COL11A1: variants seen among roughly 807,000 people sequenced by gnomAD.
COL11A1 encodes the protein collagen type XI alpha 1 chain, also known as collagen alpha-1(XI) chain.
Under a neutral mutation model 265.2 loss-of-function variants are expected in COL11A1, and 74 were observed. That is an observed-to-expected ratio of 0.28 (90% CI 0.23 to 0.34). COL11A1 has a LOEUF of 0.34. Among genes scored for constraint, COL11A1 ranks in the 10% least tolerant of loss-of-function variants. The pLI, the probability that COL11A1 is intolerant of heterozygous loss-of-function variation, is 1.00. For missense variants in COL11A1, 2,165 were observed against 2,263.6 expected, an observed-to-expected ratio of 0.96 and a Z score of 0.88; for synonymous variants, 816 against 727.6, an observed-to-expected ratio of 1.12 and a Z score of -1.96.
Position 103,023,189 on chromosome 1 carries a change from G to C in COL11A1, c.991-193C>G, listed in dbSNP as rs549855974. ...ATATTTGTACATTGCTATGTACAAAGAGATATTGCTTTCAAAGCACTTTCT... is the reference window on the plus strand; with the variant it reads ...ATATTTGTACATTGCTATGTACAAACAGATATTGCTTTCAAAGCACTTTCT... On this transcript the variant is annotated intron_variant, in intron 7 of 66. Coordinates refer to ENST00000370096, the MANE Select transcript of COL11A1 (RefSeq NM_001854.4). Among the ~76,000 whole-genome samples the C allele has an allele frequency of 1.4e-4, 21 of 152,238 alleles. 1 individual carries two copies. The highest frequency in any genetic ancestry group is 4.8e-4 in the African/African-American group (20 of 41,554).
chr1:102,947,251 T>C (rs1345528282), intron 41 of COL11A1, among the ~76,000 whole-genome samples: 1 of 152,158 alleles, frequency 6.6e-6, no homozygotes, highest in Non-Finnish European at 1.5e-5. Flanking sequence ...CATTTAAGTG[T>C]TCATAATTGT....
At chr1:102,979,227 A>T (rs1662802179) in intron 32 of COL11A1, 123 bp from the exon 33 acceptor site, 1 of 1,262,874 alleles carries the variant, frequency 7.9e-7, no homozygotes, top group Admixed American at 1.8e-5. Flanking sequence ...TCATTTAGAG[A>T]CAGACTTGCT....
chr1:102,962,107 T>C (rs1185099843), intron 40 of COL11A1, 69 bp downstream of exon 40: 9 of 1,315,144 alleles, frequency 6.8e-6, no homozygotes, highest in Non-Finnish European at 9.9e-6. Context: ...ACTTCTTAAG[T>C]TCTGAGAAAA....
chr1:103,022,978 T>C lies in COL11A1; in HGVS notation c.1009A>G (p.Ile337Val), dbSNP rs746403396. ...CCCGTTAGATATTCTTCAGTAAATA[T>C]TTCTTCAACTGGATTTGGCTATTAA... ...GTNEPNPVEE[I>V]FTEEYLTGED... Residue 337 changes from isoleucine to valine, a missense_variant, in exon 8 of 67, where the codon ATA (isoleucine) becomes GTA (valine). Physicochemically the swap from Ile to Val is conservative, Grantham distance 29 (BLOSUM62 3). Transcript: ENST00000370096. The C allele has an allele frequency of 1.4e-5, 23 of 1,612,834 alleles. No homozygotes were observed. The highest frequency in any genetic ancestry group is 1.9e-5 in the Non-Finnish European group (23 of 1,179,518).
At chr1:103,103,457 T>C (rs1674445930) in intron 1 of COL11A1, among the ~76,000 whole-genome samples, 1 of 152,006 alleles carries the variant, frequency 6.6e-6, no homozygotes, top group Non-Finnish European at 1.5e-5. Flanking sequence ...TACTTTGATG[T>C]AATCTTATAA....
chr1:102,955,382 A>T (rs982787047), intron 41 of COL11A1, among the ~76,000 whole-genome samples: 3 of 152,206 alleles, frequency 2.0e-5, no homozygotes, highest in African/African-American at 7.2e-5. Flanking sequence ...ATGGTCACAT[A>T]ATAGGAGTCA....
intron 31 of COL11A1, among the ~76,000 whole-genome samples, chr1:102,981,594 A>G (rs547341248): frequency 6.6e-6 from 1 of 152,174 alleles, no homozygotes; most frequent in African/African-American, 2.4e-5. Context: ...AGTTGAATAT[A>G]TGGAAATGTT....
intron 4 of COL11A1, among the ~76,000 whole-genome samples, chr1:103,047,730 G>T (rs1471132170): frequency 6.8e-6 from 1 of 146,372 alleles, no homozygotes; most frequent in Non-Finnish European, 1.5e-5. Context: ...GTATGATATT[G>T]GCTGTGGTTT....
chr1:102,994,260 C>T lies in COL11A1; in HGVS notation c.2340+1604G>A, dbSNP rs914182836. On this transcript the variant is annotated intron_variant, in intron 28 of 66. Transcript: ENST00000370096. ...TACCCACCCAAATCTCATGTTGAAACGTAATCCCCAATGTTGAAAGTGGGA... is the reference window on the plus strand; with the variant it reads ...TACCCACCCAAATCTCATGTTGAAATGTAATCCCCAATGTTGAAAGTGGGA... Among the ~76,000 whole-genome samples the T allele has an allele frequency of 2.6e-5, 4 of 152,146 alleles. No individual in the cohort carries two copies. The South Asian group carries it at 6.2e-4, about 24-fold the overall frequency.
At chr1:102,895,847 C>A (rs996913873) in intron 57 of COL11A1, among the ~76,000 whole-genome samples, 1 of 150,672 alleles carries the variant, frequency 6.6e-6, no homozygotes, top group South Asian at 2.1e-4. Flanking sequence ...AACACTCTAA[C>A]TTTTCTAAGT....
At chr1:102,878,614 C>T (rs560608620) in intron 66 of COL11A1, among the ~76,000 whole-genome samples, 2 of 149,790 alleles carry the variant, frequency 1.3e-5, no homozygotes, top group African/African-American at 4.9e-5. Context: ...GGTTTCAAGC[C>T]ATTCTCCTGC....
rs1411336516 is a variant in COL11A1 at position 102,997,129 on chromosome 1, A to G, written c.2197-5T>C. ...GCCTTCTTTCCCAGGATGACCCTAT[A>G]TTTAGCAAAAACATACACTGATAAG... On this transcript the variant is annotated splice_polypyrimidine_tract_variant and splice_region_variant and intron_variant, in intron 25 of 66. Coordinates refer to ENST00000370096, the MANE Select transcript of COL11A1 (RefSeq NM_001854.4). 2.5e-6 allele frequency: 4 copies of G among 1,610,430 alleles called. No homozygotes were observed. Among genetic ancestry groups the G allele is most frequent in the Admixed American group, 3.3e-5 (2 of 59,924 alleles).
At chr1:103,075,824 G>A (rs909793736) in intron 3 of COL11A1, among the ~76,000 whole-genome samples, 1 of 152,092 alleles carries the variant, frequency 6.6e-6, no homozygotes, top group African/African-American at 2.4e-5. Flanking sequence ...GTGACCAAGT[G>A]TATTTCCATA....
chr1:102,932,340 C>T (rs1657570493), intron 46 of COL11A1, among the ~76,000 whole-genome samples: 1 of 152,086 alleles, frequency 6.6e-6, no homozygotes, highest in African/African-American at 2.4e-5. Flanking sequence ...TTTATTTCTC[C>T]TTCACTTATG....
intron 25 of COL11A1, 130 bp from the exon 26 acceptor site, chr1:102,997,254 T>C: frequency 1.1e-6 from 1 of 872,036 alleles, no homozygotes; most frequent in Non-Finnish European, 1.9e-6. Flanking sequence ...TTGAACACTT[T>C]TGCATCAGTG....
At chr1:102,967,227 C>CTTTTT (rs35303945) in intron 37 of COL11A1, among the ~76,000 whole-genome samples, 12,220 of 52,580 alleles carry the variant, frequency 0.23, 4,980 homozygotes, top group South Asian at 0.33. Flanking sequence ...ATAATAAATT[C>CTTTTT]TTTTTTTTTT....
intron 38 of COL11A1, among the ~76,000 whole-genome samples, chr1:102,964,683 G>T (rs561107039): frequency 6.6e-6 from 1 of 151,770 alleles, no homozygotes; most frequent in South Asian, 2.1e-4. Context: ...ACAGTGTTGA[G>T]AACTATTTAG....
intron 1 of COL11A1, among the ~76,000 whole-genome samples, chr1:103,103,269 C>T (rs1293472545): frequency 6.6e-6 from 1 of 151,776 alleles, no homozygotes; most frequent in Admixed American, 6.6e-5. Context: ...TATATGTCAT[C>T]CAATCAATTG....
chr1:103,075,955 T>C (rs957322769), intron 3 of COL11A1, among the ~76,000 whole-genome samples: 4 of 152,148 alleles, frequency 2.6e-5, no homozygotes, highest in Non-Finnish European at 4.4e-5. Flanking sequence ...AATTTACACA[T>C]ACTTCATGCC....
Sources: allele counts gnomAD v4.1 joint callset (sites outside exome capture counted in the v4.1 genomes callset), GRCh38; gene constraint gnomAD v4.1.1; transcripts MANE v1.5; gene names NCBI Gene and HGNC (gene_info 2026-07-23, HGNC 2026-07-21).